EPHA7: variants seen among roughly 807,000 people sequenced by gnomAD.
EPHA7 encodes the protein EPH receptor A7.
EPHA7 carries 25 observed loss-of-function variants against 112.6 expected under a neutral mutation model. The observed-to-expected ratio is 0.22, with a 90% CI of 0.16 to 0.31. The LOEUF (loss-of-function observed/expected upper bound fraction) is 0.31, where lower values mean the gene tolerates loss of function less well. EPHA7 is among the 10% of genes least tolerant of loss of function. EPHA7 has a pLI of 1.00. For synonymous variants in EPHA7, 437 were observed against 406.5 expected, an observed-to-expected ratio of 1.07 and a Z score of -0.90; for missense variants, 962 against 1,212.6, an observed-to-expected ratio of 0.79 and a Z score of 3.07.
rs150844749 is a variant in EPHA7, at chr6:93,259,571, A to T, written c.1799-92T>A. 994 of 1,479,818 alleles carry T rather than the reference A, an allele frequency of 6.7e-4. 6 individuals carry two copies. The African/African-American group carries it at 0.011, about 17-fold the overall frequency. 91.7% of individuals were successfully genotyped at this position (1,479,818 alleles called of 1,614,324 possible). A position where few individuals can be genotyped will look rare whatever the true frequency, so the allele number is the denominator to read the frequency against. On this transcript the variant is annotated intron_variant, in intron 9 of 16. Coordinates refer to ENST00000369303, the MANE Select transcript of EPHA7 (RefSeq NM_004440.4). Reference sequence around the variant, plus strand: ...TTTCATTATGCAGAGTGCTCCTTGGAACAGTGAACTTGCTTCCACATCACC... The same window carrying T: ...TTTCATTATGCAGAGTGCTCCTTGGTACAGTGAACTTGCTTCCACATCACC...
At chr6:93,412,536 G>T (rs573067236) in intron 2 of EPHA7, among the ~76,000 whole-genome samples, 2 of 152,106 alleles carry the variant, frequency 1.3e-5, no homozygotes, top group South Asian at 2.1e-4. Context: ...ATGTAGTAAA[G>T]AACCCATTTT....
At chr6:93,380,932 G>C (rs1467377528) in intron 3 of EPHA7, among the ~76,000 whole-genome samples, 1 of 151,928 alleles carries the variant, frequency 6.6e-6, no homozygotes, top group Non-Finnish European at 1.5e-5. Flanking sequence ...CATGGCAGGT[G>C]GTCCTTAATT....
chr6:93,312,835 T>C (rs1773609697), intron 5 of EPHA7, among the ~76,000 whole-genome samples: 1 of 152,154 alleles, frequency 6.6e-6, no homozygotes, highest in Admixed American at 6.5e-5. Context: ...TTTAGAGTTA[T>C]TAAATGGCTT....
intron 9 of EPHA7, chr6:93,260,662 A>G (rs918747601): frequency 1.3e-5 from 13 of 976,642 alleles, no homozygotes; most frequent in Non-Finnish European, 1.6e-5. Context: ...ATAAAGGAAA[A>G]TGGGATTTAA....
At chr6:93,387,042 T>C (rs1250294775) in intron 3 of EPHA7, among the ~76,000 whole-genome samples, 1 of 152,172 alleles carries the variant, frequency 6.6e-6, no homozygotes, top group Non-Finnish European at 1.5e-5. Context: ...TCTTGGCAAC[T>C]AACATTTGGC....
intron 5 of EPHA7, among the ~76,000 whole-genome samples, chr6:93,315,956 T>G (rs980369580): frequency 6.6e-6 from 1 of 152,196 alleles, no homozygotes; most frequent in Admixed American, 6.5e-5. Flanking sequence ...GGAAAAAAGT[T>G]GATTTCATTG....
At chr6:93,383,778 G>A (rs1017529120) in intron 3 of EPHA7, among the ~76,000 whole-genome samples, 4 of 152,062 alleles carry the variant, frequency 2.6e-5, no homozygotes, top group Non-Finnish European at 5.9e-5. Context: ...GCTAACTGTA[G>A]CCTCGAACTC....
At position 93,410,415 on chromosome 6, in the gene EPHA7, G is replaced by A. The variant is rs1778918974; in HGVS notation, c.832+86C>T. On this transcript the variant is annotated intron_variant, in intron 3 of 16. Transcript: ENST00000369303. The surrounding 1 kb of genome is among the most constrained non-coding windows in gnomAD (Gnocchi z 4.0). ...CGCTTCTGGTACAGAGCAGATTCAC[G>A]TATTCAAATAACTATTAAAGTTTAA... is the stretch of plus-strand genomic sequence containing the variant. The A allele has an allele frequency of 1.6e-5, 20 of 1,228,022 alleles. No individual in the cohort carries two copies. Among genetic ancestry groups the A allele is most frequent in the South Asian group, 2.9e-5 (2 of 69,764 alleles). 76.1% of individuals were successfully genotyped at this position (1,228,022 alleles called of 1,614,324 possible).
chr6:93,336,901 A>G (rs1051755761), intron 5 of EPHA7, among the ~76,000 whole-genome samples: 4 of 151,886 alleles, frequency 2.6e-5, no homozygotes, highest in African/African-American at 9.7e-5. Context: ...TGTAAAAAAA[A>G]AAAGGAAAAA....
At chr6:93,377,789 C>T (rs922963499) in intron 3 of EPHA7, among the ~76,000 whole-genome samples, 2 of 152,132 alleles carry the variant, frequency 1.3e-5, no homozygotes, top group Non-Finnish European at 1.5e-5. Context: ...ATAACAGTAA[C>T]TCTGTGTCAA....
intron 5 of EPHA7, among the ~76,000 whole-genome samples, chr6:93,325,498 T>C (rs1406431873): frequency 6.6e-6 from 1 of 151,330 alleles, no homozygotes; most frequent in Non-Finnish European, 1.5e-5. Flanking sequence ...TTTAAAATAG[T>C]AAAATTTAAT....
At position 93,254,727 on chromosome 6, in the gene EPHA7, CA is replaced by C; in HGVS notation, c.2451del (p.Ser817ArgfsTer8). 6.2e-7 allele frequency: 1 copy of C among 1,613,648 alleles called. No individual in the cohort carries two copies. The highest frequency in any genetic ancestry group is 1.1e-5 in the South Asian group (1 of 91,040). On this transcript the variant is annotated frameshift_variant, in exon 14 of 17. Coordinates refer to ENST00000369303, the MANE Select transcript of EPHA7 (RefSeq NM_004440.4). LOFTEE classifies it high-confidence loss of function. ...AIQYRKFTSA[S>X]DVWSYGIVMW... ...ATGACTATTCCATAGCTCCATACAT[CA>C]CTGGCTGATGTGAATTTCCGGTACT...
At chr6:93,271,760 A>G (rs1209567579) in intron 6 of EPHA7, among the ~76,000 whole-genome samples, 1 of 151,920 alleles carries the variant, frequency 6.6e-6, no homozygotes, top group Non-Finnish European at 1.5e-5. Context: ...CATGATTATT[A>G]AAACATATAT....
At chr6:93,248,457 G>C (rs1478185683) in intron 14 of EPHA7, among the ~76,000 whole-genome samples, 1 of 151,988 alleles carries the variant, frequency 6.6e-6, no homozygotes, top group African/African-American at 2.4e-5. Context: ...TAAAATTTAA[G>C]ACCAAACTCT....
In EPHA7 at chr6:93,396,649, A is replaced by C. The variant is rs1158251907; in HGVS notation, c.832+13852T>G. On this transcript the variant is annotated intron_variant, in intron 3 of 16. Coordinates refer to ENST00000369303, the MANE Select transcript of EPHA7 (RefSeq NM_004440.4). ...TTACGAATAGATTTACATGTAACAC[A>C]TTTTAGGAAAAATGACTATTATGAA... is the stretch of plus-strand genomic sequence containing the variant. Among the ~76,000 whole-genome samples the C allele has an allele frequency of 2.0e-5, 3 of 151,884 alleles. No homozygotes were observed. The Admixed American group carries it at 2.0e-4, about 10-fold the overall frequency.
At chr6:93,329,925 A>C (rs895449081) in intron 5 of EPHA7, among the ~76,000 whole-genome samples, 5 of 151,298 alleles carry the variant, frequency 3.3e-5, no homozygotes, top group Non-Finnish European at 5.9e-5. Context: ...CTAATTAATT[A>C]TTAGCAATGT....
At chr6:93,418,248 G>A (rs965432904) in intron 1 of EPHA7, among the ~76,000 whole-genome samples, 2 of 152,084 alleles carry the variant, frequency 1.3e-5, no homozygotes, top group African/African-American at 4.8e-5. Context: ...TTTTTCCCCA[G>A]CTCCAACTAC....
chr6:93,404,346 A>C (rs1177734838), intron 3 of EPHA7, among the ~76,000 whole-genome samples: 1 of 152,002 alleles, frequency 6.6e-6, no homozygotes, highest in African/African-American at 2.4e-5. Flanking sequence ...ATCACCTTTC[A>C]AGATGTTCTG....
chr6:93,407,134 C>G (rs1327855154), intron 3 of EPHA7, among the ~76,000 whole-genome samples: 1 of 151,942 alleles, frequency 6.6e-6, no homozygotes, highest in African/African-American at 2.4e-5. Context: ...AAAGCTTTTA[C>G]ATCAACTCAT....
Sources: allele counts gnomAD v4.1 joint callset (sites outside exome capture counted in the v4.1 genomes callset), GRCh38; gene constraint gnomAD v4.1.1; non-coding constraint Gnocchi (gnomAD v3.1); transcripts MANE v1.5; gene names NCBI Gene and HGNC (gene_info 2026-07-23, HGNC 2026-07-21).